BRI3BP: variants seen among roughly 807,000 people sequenced by gnomAD.
The protein encoded by BRI3BP is BRI3-binding protein.
A neutral mutation model predicts 15.8 loss-of-function variants in BRI3BP; 7 were observed. That is an observed-to-expected ratio of 0.44 (90% confidence interval 0.25 to 0.83). The LOEUF (loss-of-function observed/expected upper bound fraction) is 0.83, where lower values mean the gene tolerates loss of function less well. Among genes scored for constraint, BRI3BP ranks in the 40% least tolerant of loss-of-function variants. The probability of loss-of-function intolerance (pLI) is 0.20; values close to 1 mark genes in which losing one functional copy is unlikely to be tolerated. For synonymous variants in BRI3BP, 192 were observed against 163.5 expected (o/e 1.17, Z -1.33); for missense variants, 320 against 339.3 (o/e 0.94, Z 0.45).
At chr12:125,007,052 A>G (rs1955150466) in intron 1 of BRI3BP, among the ~76,000 whole-genome samples, 1 of 152,018 alleles carries the variant, frequency 6.6e-6, no homozygotes, top group African/African-American at 2.4e-5. Context: ...TATAAAAATT[A>G]GCCAGGTATG....
chr12:125,042,291 T>G, the BRI3BP span, among the ~76,000 whole-genome samples: 1 of 152,196 alleles, frequency 6.6e-6, no homozygotes, highest in Non-Finnish European at 1.5e-5. Context: ...TTTTCAATCT[T>G]TACCCTCTTC....
rs111686176 is a variant in BRI3BP at position 125,030,561 on chromosome 12, T to C, written c.*5131T>C. The C allele has an allele frequency of 7.9e-5, 12 of 152,252 alleles. No individual in the cohort carries two copies. The highest frequency in any genetic ancestry group is 2.7e-4 in the African/African-American group (11 of 41,472). The allele number at this position is 152,252 out of a possible 1,614,324, so 9.4% of individuals were successfully genotyped here. ...AGGTGCACCAGTACCAGTTTTTCTC[T>C]TGTGGTGGCTTAAAACGCTGATTGC... On this transcript the variant is annotated 3_prime_UTR_variant, in exon 3 of 3. Coordinates refer to ENST00000341446, the MANE Select transcript of BRI3BP (RefSeq NM_080626.6).
At chr12:125,014,083 C>T (rs1389543309) in intron 2 of BRI3BP, among the ~76,000 whole-genome samples, 1 of 152,174 alleles carries the variant, frequency 6.6e-6, no homozygotes, top group Non-Finnish European at 1.5e-5. Context: ...TCCCTTACCG[C>T]CTTAAGAGCT....
the BRI3BP span, among the ~76,000 whole-genome samples, chr12:125,047,602 C>G: frequency 6.6e-6 from 1 of 151,990 alleles, no homozygotes; most frequent in Non-Finnish European, 1.5e-5. Context: ...TCTGGAACTC[C>G]TGACCACAGG....
chr12:125,025,796 G>T lies in BRI3BP; in HGVS notation c.*366G>T. The T allele has an allele frequency of 5.9e-6, 1 of 169,532 alleles. No individual in the cohort carries two copies. The highest frequency in any genetic ancestry group is 6.2e-5 in the Admixed American group (1 of 16,210). The allele number at this position is 169,532 out of a possible 1,614,324, so 10.5% of individuals were successfully genotyped here. A position where few individuals can be genotyped will look rare whatever the true frequency, so the allele number is the denominator to read the frequency against. The stretch of plus-strand genomic sequence containing the variant: ...AGGTTTTTTAATAAAGGCAGATTGA[G>T]TCAAGTTTATTAAAACTTTACATGG... On this transcript the variant is annotated 3_prime_UTR_variant, in exon 3 of 3. Transcript: ENST00000341446.
At chr12:124,998,153 G>A (rs1390429074) in intron 1 of BRI3BP, among the ~76,000 whole-genome samples, 4 of 151,470 alleles carry the variant, frequency 2.6e-5, no homozygotes, top group East Asian at 1.9e-4. Flanking sequence ...TTAGCTGGGC[G>A]TGGTGGTGCA....
chr12:125,005,046 C>A (rs1362660070), intron 1 of BRI3BP, among the ~76,000 whole-genome samples: 1 of 152,100 alleles, frequency 6.6e-6, no homozygotes, highest in African/African-American at 2.4e-5. Flanking sequence ...AGAGGTTTCA[C>A]CATGTTGGCC....
chr12:125,040,623 G>A, the BRI3BP span, among the ~76,000 whole-genome samples: 1,423 of 151,716 alleles, frequency 9.4e-3, 24 homozygotes, highest in African/African-American at 0.032. Flanking sequence ...TATTACAGGC[G>A]TGAGCCACTG....
chr12:125,016,018 G>A (rs1323769321), intron 2 of BRI3BP, among the ~76,000 whole-genome samples: 1 of 152,182 alleles, frequency 6.6e-6, no homozygotes, highest in African/African-American at 2.4e-5. Context: ...ATCGCACGCA[G>A]CTTGGAATGA....
At chr12:125,046,701 T>C in the BRI3BP span, among the ~76,000 whole-genome samples, 1 of 152,268 alleles carries the variant, frequency 6.6e-6, no homozygotes, top group Non-Finnish European at 1.5e-5. Context: ...TATATGCTTA[T>C]AGTATCCTTT....
intron 2 of BRI3BP, among the ~76,000 whole-genome samples, chr12:125,016,210 T>C (rs1271308427): frequency 1.3e-5 from 2 of 152,186 alleles, no homozygotes; most frequent in African/African-American, 4.8e-5. Flanking sequence ...TGCGTAAGCT[T>C]CAAGGCATCC....
chr12:125,038,963 G>A, the BRI3BP span, among the ~76,000 whole-genome samples: 7 of 152,004 alleles, frequency 4.6e-5, no homozygotes, highest in African/African-American at 1.4e-4. Context: ...GGTGGCCGGC[G>A]CCTGTAATCC....
intron 1 of BRI3BP, among the ~76,000 whole-genome samples, chr12:124,998,636 T>C (rs751627976): frequency 2.0e-5 from 3 of 152,180 alleles, no homozygotes; most frequent in Non-Finnish European, 4.4e-5. Context: ...TACTGCTTAA[T>C]TGATCTAGGG....
chr12:125,049,401 C>A, the BRI3BP span, among the ~76,000 whole-genome samples: 1 of 152,188 alleles, frequency 6.6e-6, no homozygotes, highest in Non-Finnish European at 1.5e-5. Flanking sequence ...CCTAGGGGCT[C>A]ATCTGCGTAT....
chr12:125,016,824 C>G (rs1382174493), intron 2 of BRI3BP, among the ~76,000 whole-genome samples: 2 of 91,278 alleles, frequency 2.2e-5, no homozygotes, highest in African/African-American at 4.2e-5. Flanking sequence ...CTGCGCCCAG[C>G]CTTTTTTTTT....
In BRI3BP at chr12:125,008,366, G is replaced by A. The variant is rs577373217; in HGVS notation, c.214-4168G>A. On this transcript the variant is annotated intron_variant, in intron 1 of 2. Transcript: ENST00000341446. ...CTCGCTCTGTCGCCCAGGCTGGAGT[G>A]CAGTGGCGCGATCTCGGCTCACTGC... Among the ~76,000 whole-genome samples, 39 of 141,966 alleles carry A rather than the reference G, an allele frequency of 2.7e-4. 1 individual carries two copies. The highest frequency in any genetic ancestry group is 9.5e-4 in the African/African-American group (36 of 37,962). 93.1% of individuals were successfully genotyped at this position (141,966 alleles called of 152,430 possible).
chr12:125,033,262 C>A (rs1006539572), downstream of BRI3BP, among the ~76,000 whole-genome samples: 3 of 152,118 alleles, frequency 2.0e-5, no homozygotes, highest in Non-Finnish European at 4.4e-5. Flanking sequence ...TGTAGTGTCT[C>A]AAGCCTGTAA....
chr12:125,039,291 CAG>C, the BRI3BP span, among the ~76,000 whole-genome samples: 1 of 152,186 alleles, frequency 6.6e-6, no homozygotes, highest in Admixed American at 6.6e-5. Context: ...TGAAAATTTA[CAG>C]AGTTATCTTT....
chr12:125,020,826 G>A (rs1055058166), intron 2 of BRI3BP, among the ~76,000 whole-genome samples: 2 of 152,142 alleles, frequency 1.3e-5, no homozygotes, highest in Non-Finnish European at 2.9e-5. Context: ...GTTGCAATGA[G>A]CTAAGATCAT....
Sources: allele counts gnomAD v4.1 joint callset (sites outside exome capture counted in the v4.1 genomes callset), GRCh38; gene constraint gnomAD v4.1.1; transcripts MANE v1.5; gene names NCBI Gene and HGNC (gene_info 2026-07-23, HGNC 2026-07-21).